The following SGK3 variants were observed in gnomAD, a reference collection of about 807,000 sequenced individuals.
The protein encoded by SGK3 is serine/threonine-protein kinase Sgk3.
In SGK3, 47 loss-of-function variants were observed where a neutral mutation model predicts 68.5. The ratio of observed to expected loss-of-function variants is 0.69; its 90% CI spans 0.54 to 0.87. SGK3 has a LOEUF of 0.87. Among genes scored for constraint, SGK3 ranks in the 40% least tolerant of loss-of-function variants. SGK3 has a pLI of 0.00. For missense variants in SGK3, 479 were observed against 575.5 expected, an observed-to-expected ratio of 0.83 and a Z score of 1.72; for synonymous variants, 181 against 189.1, an observed-to-expected ratio of 0.96 and a Z score of 0.35.
intron 2 of SGK3, among the ~76,000 whole-genome samples, chr8:66,796,945 T>C (rs912734221): frequency 1.1e-4 from 17 of 151,904 alleles, no homozygotes; most frequent in Non-Finnish European, 1.5e-4. Flanking sequence ...AATCTTGTTT[T>C]TTTTTTTTTT....
intron 16 of SGK3, among the ~76,000 whole-genome samples, chr8:66,855,917 C>G (rs1355414402): frequency 6.6e-6 from 1 of 152,194 alleles, no homozygotes; most frequent in Non-Finnish European, 1.5e-5. Context: ...ATCCTGACAA[C>G]AATCCTATGA....
At chr8:66,723,095 A>T (rs1296282492) in intron 1 of SGK3, among the ~76,000 whole-genome samples, 1 of 19,122 alleles carries the variant, frequency 5.2e-5, no homozygotes, top group African/African-American at 3.0e-4. Context: ...TTGTTCATAT[A>T]TATATATATA....
intron 2 of SGK3, among the ~76,000 whole-genome samples, chr8:66,794,721 G>T (rs1450873284): frequency 6.6e-6 from 1 of 152,116 alleles, no homozygotes; most frequent in African/African-American, 2.4e-5. Flanking sequence ...TGGGAGGAGA[G>T]GTGTCCCCTT....
At chr8:66,742,900 A>G (rs1406571967) in intron 1 of SGK3, among the ~76,000 whole-genome samples, 2 of 151,924 alleles carry the variant, frequency 1.3e-5, no homozygotes, top group Non-Finnish European at 2.9e-5. Context: ...CTTCATTCAG[A>G]CTTGCCATTT....
intron 1 of SGK3, among the ~76,000 whole-genome samples, chr8:66,713,762 G>A (rs1369624202): frequency 2.6e-5 from 4 of 152,094 alleles, no homozygotes; most frequent in Non-Finnish European, 4.4e-5. Flanking sequence ...TCATATTATA[G>A]CGGTTCTAGC....
intron 1 of SGK3, among the ~76,000 whole-genome samples, chr8:66,730,362 A>G (rs1805114116): frequency 6.6e-6 from 1 of 152,068 alleles, no homozygotes; most frequent in Non-Finnish European, 1.5e-5. Context: ...GTCCCTTATG[A>G]GAGATATAAT....
chr8:66,721,257 T>C (rs1804786126), intron 1 of SGK3, among the ~76,000 whole-genome samples: 1 of 152,198 alleles, frequency 6.6e-6, no homozygotes, highest in African/African-American at 2.4e-5. Context: ...AAGGTGTGAG[T>C]ACACAATCTA....
chr8:66,742,368 T>C (rs567892240), intron 1 of SGK3, among the ~76,000 whole-genome samples: 2 of 152,268 alleles, frequency 1.3e-5, no homozygotes, highest in African/African-American at 2.4e-5. Context: ...CATTAATTTT[T>C]TGTCTGTTTG....
chr8:66,841,855 C>CTT (rs1809809297), intron 13 of SGK3, among the ~76,000 whole-genome samples: 1 of 152,100 alleles, frequency 6.6e-6, no homozygotes, highest in Non-Finnish European at 1.5e-5. Context: ...CATGTAAAAG[C>CTT]TTTATTATTC....
intron 10 of SGK3, among the ~76,000 whole-genome samples, chr8:66,839,559 T>TATATATATA (rs1563654706): frequency 4.3e-5 from 3 of 70,334 alleles, no homozygotes; most frequent in Non-Finnish European, 7.8e-5. Context: ...ATATATATAT[T>TATATATATA]TTCATATGGG....
At chr8:66,768,176 A>C (rs181219673) in intron 1 of SGK3, among the ~76,000 whole-genome samples, 86 of 152,312 alleles carry the variant, frequency 5.6e-4, no homozygotes, top group African/African-American at 1.9e-3. Flanking sequence ...TACTGTTGTC[A>C]TATATTTTAC....
At chr8:66,828,125 GAA>G (rs1157693194) in intron 6 of SGK3, among the ~76,000 whole-genome samples, 1 of 136,814 alleles carries the variant, frequency 7.3e-6, no homozygotes, top group Non-Finnish European at 1.6e-5. Flanking sequence ...CTCCGTCTCA[GAA>G]AAAAAAAAAA....
At chr8:66,802,921 T>C (rs987216611) in intron 3 of SGK3, among the ~76,000 whole-genome samples, 3 of 152,196 alleles carry the variant, frequency 2.0e-5, no homozygotes, top group Non-Finnish European at 2.9e-5. Context: ...CCCACCATAA[T>C]TTTGACACAA....
chr8:66,729,351 G>A (rs1805074424), intron 1 of SGK3, among the ~76,000 whole-genome samples: 2 of 151,906 alleles, frequency 1.3e-5, no homozygotes, highest in Non-Finnish European at 2.9e-5. Context: ...AGCTACTCGG[G>A]AGGCTGAGGC....
intron 3 of SGK3, 43 bp downstream of exon 3, chr8:66,798,668 C>G (rs202135577): frequency 1.3e-6 from 2 of 1,505,914 alleles, no homozygotes; most frequent in Non-Finnish European, 1.8e-6. Flanking sequence ...AGAAAGCACC[C>G]GAGAAAACCC....
chr8:66,751,064 C>T (rs1183364159), intron 1 of SGK3, among the ~76,000 whole-genome samples: 2 of 151,510 alleles, frequency 1.3e-5, no homozygotes, highest in African/African-American at 2.4e-5. Context: ...CTTTGGGAGG[C>T]TGAGGTGGGC....
intron 5 of SGK3, among the ~76,000 whole-genome samples, chr8:66,816,044 G>A (rs1294960062): frequency 2.0e-5 from 3 of 152,074 alleles, no homozygotes; most frequent in African/African-American, 7.2e-5. Context: ...GTGTCGCCCA[G>A]GCTGGAATGC....
At chr8:66,788,639 C>T (rs1410768970) in intron 1 of SGK3, among the ~76,000 whole-genome samples, 1 of 152,192 alleles carries the variant, frequency 6.6e-6, no homozygotes, top group African/African-American at 2.4e-5. Flanking sequence ...GTCAGAACAG[C>T]ATATCCAAGT....
Position 66,747,680 on chromosome 8 carries a change from C to T in SGK3, c.-122+34847C>T, listed in dbSNP as rs182673000. Reference sequence around the variant, plus strand: ...TCAAGTGATCCTCCCATCCCAGCCTCCTGAGTAGCTGGGACTACAGGTGTG... The same window carrying T: ...TCAAGTGATCCTCCCATCCCAGCCTTCTGAGTAGCTGGGACTACAGGTGTG... On this transcript the variant is annotated intron_variant, in intron 1 of 16. Coordinates refer to ENST00000521198, the MANE Select transcript of SGK3 (RefSeq NM_001033578.3). Among the ~76,000 whole-genome samples, 537 of 152,256 alleles carry T rather than the reference C, an allele frequency of 3.5e-3. 4 individuals carry two copies. The highest frequency in any genetic ancestry group is 0.012 in the African/African-American group (513 of 41,544).
Sources: allele counts gnomAD v4.1 joint callset (sites outside exome capture counted in the v4.1 genomes callset), GRCh38; gene constraint gnomAD v4.1.1; transcripts MANE v1.5; gene names NCBI Gene and HGNC (gene_info 2026-07-23, HGNC 2026-07-21).